The following CD180 variants were observed in gnomAD, a reference collection of about 807,000 sequenced individuals.
The protein encoded by CD180 is CD180 molecule, also known as CD180 antigen.
In CD180, 11 loss-of-function variants were observed where a neutral mutation model predicts 10.7. The ratio of observed to expected loss-of-function variants is 1.03; its 90% CI spans 0.65 to 1.70. The LOEUF is 1.70. Among genes scored for constraint, CD180 ranks in the 40% most tolerant of loss-of-function variants. The probability of loss-of-function intolerance (pLI) is 0.00; values close to 1 mark genes in which losing one functional copy is unlikely to be tolerated. For synonymous variants in CD180, 286 were observed against 294.6 expected, an observed-to-expected ratio of 0.97 and a Z score of 0.30; for missense variants, 729 against 775.2, an observed-to-expected ratio of 0.94 and a Z score of 0.71.
chr5:67,188,768 T>C (rs1742248798), intron 1 of CD180, among the ~76,000 whole-genome samples: 2 of 152,242 alleles, frequency 1.3e-5, no homozygotes, highest in Admixed American at 6.5e-5. Context: ...CTGCAGAAAG[T>C]CACCAGTTTT....
chr5:67,186,221 C>A, intron 1 of CD180: 1 of 372,886 alleles, frequency 2.7e-6, no homozygotes, highest in Middle Eastern at 7.1e-4. Flanking sequence ...AATAACCAGA[C>A]TATTCATCAA....
chr5:67,194,569 A>G (rs1187034361), intron 1 of CD180, among the ~76,000 whole-genome samples: 1 of 152,100 alleles, frequency 6.6e-6, no homozygotes, highest in East Asian at 1.9e-4. Context: ...AAAACTCCTA[A>G]TCTCCAAGAC....
In CD180 at chr5:67,183,124, AT is replaced by A; in HGVS notation, c.1718del (p.Asn573IlefsTer2). On this transcript the variant is annotated frameshift_variant, in exon 3 of 3. Transcript: ENST00000256447. LOFTEE classifies it low-confidence loss of function (END_TRUNC). ...TGCAGTCCAGGGGGTTATGACTTAA[AT>A]TAATGGTGCTCTGCTGGGACAAGAT... ...LPILSQQSTINLSHNPLDCTC... is the reference protein window; with the variant it reads ...LPILSQQSTIXLSHNPLDCTC... 1 of 1,610,368 alleles carries A rather than the reference AT, an allele frequency of 6.2e-7. No individual in the cohort carries two copies. The highest frequency in any genetic ancestry group is 1.1e-5 in the South Asian group (1 of 90,752).
intron 1 of CD180, among the ~76,000 whole-genome samples, chr5:67,195,689 C>G (rs1742387109): frequency 6.6e-6 from 1 of 152,238 alleles, no homozygotes; most frequent in Non-Finnish European, 1.5e-5. Context: ...TGGCTTTGCT[C>G]TGCTCTTCCT....
At chr5:67,193,199 G>T (rs566263119) in intron 1 of CD180, among the ~76,000 whole-genome samples, 2 of 152,248 alleles carry the variant, frequency 1.3e-5, no homozygotes, top group South Asian at 4.2e-4. Context: ...TTATTCACAG[G>T]CTTAATAGGG....
At chr5:67,190,169 GT>G (rs1742273581) in intron 1 of CD180, among the ~76,000 whole-genome samples, 1 of 152,174 alleles carries the variant, frequency 6.6e-6, no homozygotes, top group South Asian at 2.1e-4. Context: ...GGGTTTGTAT[GT>G]TCCTCATAAT....
At chr5:67,189,640 T>C (rs1742264296) in intron 1 of CD180, among the ~76,000 whole-genome samples, 1 of 152,206 alleles carries the variant, frequency 6.6e-6, no homozygotes, top group Non-Finnish European at 1.5e-5. Context: ...CTTATAGCTT[T>C]TATAATCACA....
rs1742047109 is a variant in CD180, at chr5:67,181,473, G to A, written c.*1384C>T. 6.6e-6 allele frequency: 1 copy of A among 152,270 alleles called. No homozygotes were observed. Among genetic ancestry groups the A allele is most frequent in the African/African-American group, 2.4e-5 (1 of 41,440 alleles). The allele number at this position is 152,270 out of a possible 1,614,324, so 9.4% of individuals were successfully genotyped here. A position where few individuals can be genotyped will look rare whatever the true frequency, so the allele number is the denominator to read the frequency against. ...TTCCTGGGGGCGAAGAGACAAAAAGGATGACCCCCAAGTTTTCACTCTGTT... is the reference window on the plus strand; with the variant it reads ...TTCCTGGGGGCGAAGAGACAAAAAGAATGACCCCCAAGTTTTCACTCTGTT... On this transcript the variant is annotated 3_prime_UTR_variant, in exon 3 of 3. Coordinates refer to ENST00000256447, the MANE Select transcript of CD180 (RefSeq NM_005582.3).
chr5:67,183,360 C>A lies in CD180; in HGVS notation c.1483G>T (p.Val495Leu). 6.2e-7 allele frequency: 1 copy of A among 1,614,168 alleles called. No individual in the cohort carries two copies. The highest frequency in any genetic ancestry group is 8.5e-7 in the Non-Finnish European group (1 of 1,180,026). ...TITKTNLLQT[V>L]GSLEVLILSS... The stretch of plus-strand genomic sequence containing the variant: ...AAAATCAGAACCTCCAAGCTGCCCA[C>A]GGTCTGAAGTAGGTTGGTCTTCGTG... Residue 495 changes from valine (V) to leucine (L), a missense_variant, in exon 3 of 3, where the codon GTG (valine) becomes TTG (leucine). Coordinates refer to ENST00000256447, the MANE Select transcript of CD180 (RefSeq NM_005582.3).
At chr5:67,190,967 G>A in intron 1 of CD180, 2 of 985,260 alleles carry the variant, frequency 2.0e-6, no homozygotes, top group East Asian at 1.1e-4. Context: ...CTTGACACAC[G>A]CAGCAGCCAC....
At position 67,183,419 on chromosome 5, in the gene CD180, T is replaced by G; in HGVS notation, c.1424A>C (p.Asn475Thr). ...ATCTTGAAAGTGATTCCCTTTTAAG[T>G]TGAGATGCCGGAGAACTGGTAGGCC... Reference protein sequence around the residue: ...LAGLPVLRHLNLKGNHFQDGT... With the variant: ...LAGLPVLRHLTLKGNHFQDGT... The change falls in exon 3 of 3, where the codon AAC becomes ACC. Residue 475 changes from asparagine to threonine, a missense_variant. By Grantham distance (65) the Asn-to-Thr change is moderately conservative. Coordinates refer to ENST00000256447, the MANE Select transcript of CD180 (RefSeq NM_005582.3). 6.2e-7 allele frequency: 1 copy of G among 1,614,178 alleles called. No homozygotes were observed. The highest frequency in any genetic ancestry group is 1.1e-5 in the South Asian group (1 of 91,078).
At chr5:67,192,461 C>T (rs549751049) in intron 1 of CD180, among the ~76,000 whole-genome samples, 12 of 152,282 alleles carry the variant, frequency 7.9e-5, no homozygotes, top group African/African-American at 2.9e-4. Flanking sequence ...GTCTAATTGG[C>T]TCACTGCTCT....
rs1427871669 is a variant in CD180, at chr5:67,184,524, C to A, written c.319G>T (p.Val107Leu). The A allele has an allele frequency of 6.2e-7, 1 of 1,612,762 alleles. No homozygotes were observed. The highest frequency in any genetic ancestry group is 8.5e-7 in the Non-Finnish European group (1 of 1,178,912). The change falls in exon 3 of 3, where the codon GTG (valine) becomes TTG (leucine). Residue 107 changes from valine to leucine, a missense_variant. Coordinates refer to ENST00000256447, the MANE Select transcript of CD180 (RefSeq NM_005582.3). Reference protein sequence around the residue: ...FQSHHQLSTLVLTGNPLIFMA... With the variant: ...FQSHHQLSTLLLTGNPLIFMA... ...AATATCAGGGGATTTCCAGTTAACA[C>A]AAGTGTGCTTAATTGATGATGGCTT...
intron 1 of CD180, among the ~76,000 whole-genome samples, chr5:67,190,718 C>T (rs912735367): frequency 6.6e-6 from 1 of 152,220 alleles, no homozygotes; most frequent in East Asian, 1.9e-4. Flanking sequence ...GCTTTGTCTC[C>T]AGCTCTGTCT....
At position 67,183,333 on chromosome 5, in the gene CD180, A is replaced by T; in HGVS notation, c.1510T>A (p.Ser504Thr). 1 of 1,614,206 alleles carries T rather than the reference A, an allele frequency of 6.2e-7. No individual in the cohort carries two copies. The highest frequency in any genetic ancestry group is 8.5e-7 in the Non-Finnish European group (1 of 1,180,028). ...TVGSLEVLIL[S>T]SCGLLSIDQQ... ...TCTATAGAGAGGAGACCACAAGAGGACAAAATCAGAACCTCCAAGCTGCCC... is the reference window on the plus strand; with the variant it reads ...TCTATAGAGAGGAGACCACAAGAGGTCAAAATCAGAACCTCCAAGCTGCCC... The change falls in exon 3 of 3, where the codon TCC becomes ACC. Residue 504 changes from serine (S) to threonine (T), a missense_variant. Ser to Thr is a moderately conservative substitution (Grantham distance 58). Transcript: ENST00000256447.
rs891798277 is a variant in CD180, at chr5:67,182,848, C to T, written c.*9G>A. The T allele has an allele frequency of 7.6e-6, 12 of 1,574,256 alleles. No individual in the cohort carries two copies. The highest frequency in any genetic ancestry group is 1.4e-5 in the African/African-American group (1 of 73,268). On this transcript the variant is annotated 3_prime_UTR_variant, in exon 3 of 3. Coordinates refer to ENST00000256447, the MANE Select transcript of CD180 (RefSeq NM_005582.3). ...CACACTTATTTGCTTTCTCTGGAAA[C>T]CTTCAGCACTAAATGTGTTGGTATT...
At position 67,181,809 on chromosome 5, in the gene CD180, T is replaced by G. The variant is rs1742053176; in HGVS notation, c.*1048A>C. 6.6e-6 allele frequency: 1 copy of G among 152,220 alleles called. No individual in the cohort carries two copies. The highest frequency in any genetic ancestry group is 2.4e-5 in the African/African-American group (1 of 41,454). 9.4% of individuals were successfully genotyped at this position (152,220 alleles called of 1,614,324 possible). A position where few individuals can be genotyped will look rare whatever the true frequency, so the allele number is the denominator to read the frequency against. ...CCCCTGTCCATGGCTGGTGTGACCT[T>G]TGGTGACATCCCCAGCCTCAACAGA... On this transcript the variant is annotated 3_prime_UTR_variant, in exon 3 of 3. Coordinates refer to ENST00000256447, the MANE Select transcript of CD180 (RefSeq NM_005582.3).
At chr5:67,192,652 C>T (rs1043329256) in intron 1 of CD180, among the ~76,000 whole-genome samples, 2 of 152,082 alleles carry the variant, frequency 1.3e-5, no homozygotes, top group Non-Finnish European at 2.9e-5. Context: ...CTCAGGAGAA[C>T]TCATTATCAC....
chr5:67,196,493 C>T (rs544665413), intron 1 of CD180, 59 bp downstream of exon 1: 15 of 1,571,136 alleles, frequency 9.5e-6, no homozygotes, highest in Middle Eastern at 1.7e-4. Flanking sequence ...GGACTGCGTG[C>T]TAAATCTCAA....
Sources: gnomAD v4.1 joint callset for allele counts (sites outside exome capture counted in the v4.1 genomes callset) on GRCh38, gnomAD v4.1.1 for gene constraint, MANE v1.5 for transcripts, NCBI Gene and HGNC (gene_info 2026-07-23, HGNC 2026-07-21) for gene names.